Variants in NOP14 observed in about 807,000 individuals in gnomAD.
NOP14 encodes NOP14 nucleolar protein.
NOP14 carries 57 observed loss-of-function variants against 101.6 expected under a neutral mutation model. The ratio of observed to expected loss-of-function variants is 0.56; its 90% CI spans 0.45 to 0.70. NOP14 has a LOEUF of 0.70. Among genes scored for constraint, NOP14 ranks in the 30% least tolerant of loss-of-function variants. NOP14 has a pLI of 0.00. For synonymous variants in NOP14, 428 were observed against 424.0 expected (o/e 1.01, Z -0.12); for missense variants, 1,134 against 1,075.5 (o/e 1.05, Z -0.76).
At chr4:2,947,466 A>C in intron 10 of NOP14, 60 bp downstream of exon 10, 1 of 1,177,316 alleles carries the variant, frequency 8.5e-7, no homozygotes, top group Non-Finnish European at 1.3e-6. Context: ...ATGACTCTAA[A>C]TGGGAGAAAA....
At chr4:2,959,376 A>T (rs1390579230) in intron 1 of NOP14, among the ~76,000 whole-genome samples, 1 of 152,112 alleles carries the variant, frequency 6.6e-6, no homozygotes. Context: ...GCGGATCACG[A>T]GGTTAGAAGA....
At chr4:2,944,006 G>C (rs1465210337) in intron 13 of NOP14, 67 bp downstream of exon 13, 1 of 1,309,968 alleles carries the variant, frequency 7.6e-7, no homozygotes. Context: ...TCTACAATGA[G>C]TATGAACTAC....
Position 2,944,184 on chromosome 4 carries a change from C to G in NOP14, c.1780G>C (p.Val594Leu). The change falls in exon 13 of 18, where the codon GTG becomes CTG. Residue 594 changes from valine (V) to leucine (L), a missense_variant. Val to Leu is a conservative substitution (Grantham distance 32). Coordinates refer to ENST00000416614, the MANE Select transcript of NOP14 (RefSeq NM_001291978.2). ...SLQDVVKGLFVCCLFLEYVAL... is the reference protein window; with the variant it reads ...SLQDVVKGLFLCCLFLEYVAL... ...ACATACTCCAGGAACAGGCAGCACA[C>G]GAACAGGCCCTTCACCACGTCCTGG... 6.2e-7 allele frequency: 1 copy of G among 1,614,084 alleles called. No homozygotes were observed. The highest frequency in any genetic ancestry group is 8.5e-7 in the Non-Finnish European group (1 of 1,179,982).
At chr4:2,945,292 C>A (rs549411685) in intron 11 of NOP14, 63 bp from the exon 12 acceptor site, 4 of 1,208,694 alleles carry the variant, frequency 3.3e-6, no homozygotes, top group East Asian at 5.2e-5. Flanking sequence ...ATGCCCTCCC[C>A]GCAAACACTC....
chr4:2,961,085 T>C (rs55841152), intron 1 of NOP14, among the ~76,000 whole-genome samples: 1 of 109,604 alleles, frequency 9.1e-6, no homozygotes, highest in South Asian at 2.5e-4. Context: ...TATATTAATA[T>C]TATAATAATA....
chr4:2,938,800 C>T lies in NOP14; in HGVS notation c.*31G>A, dbSNP rs765069587. The T allele has an allele frequency of 1.3e-6, 2 of 1,560,476 alleles. No individual in the cohort carries two copies. Among genetic ancestry groups the T allele is most frequent in the South Asian group, 2.2e-5 (2 of 89,586 alleles). The stretch of plus-strand genomic sequence containing the variant: ...TGGAATTGCAGATGTGAGGTAATGT[C>T]CAGTTCCTTGCCTTATTTATAAAAT... On this transcript the variant is annotated 3_prime_UTR_variant, in exon 18 of 18. Transcript: ENST00000416614.
chr4:2,957,783 AT>A, intron 1 of NOP14, 43 bp from the exon 2 acceptor site: 2 of 1,605,034 alleles, frequency 1.2e-6, no homozygotes, highest in Non-Finnish European at 1.7e-6. Flanking sequence ...AATTCTTGTG[AT>A]TTCCACTACA....
chr4:2,938,074 C>T lies in NOP14; in HGVS notation c.*757G>A, dbSNP rs565345274. 2.1e-4 allele frequency: 134 copies of T among 644,078 alleles called. No homozygotes were observed. The highest frequency in any genetic ancestry group is 1.2e-3 in the African/African-American group (63 of 51,782). The allele number at this position is 644,078 out of a possible 1,614,324, so 39.9% of individuals were successfully genotyped here. On this transcript the variant is annotated 3_prime_UTR_variant, in exon 18 of 18. Coordinates refer to ENST00000416614, the MANE Select transcript of NOP14 (RefSeq NM_001291978.2). ...GCTTGTCCAGACGCAGTGAACCAGT[C>T]GCAGCTGATAACACACAGACCATTC...
At chr4:2,941,404 G>C in intron 15 of NOP14, 178 bp downstream of exon 15, 1 of 625,996 alleles carries the variant, frequency 1.6e-6, no homozygotes, top group East Asian at 2.8e-5. Context: ...CTCCAGCCCA[G>C]CACTGCTCAC....
chr4:2,956,927 A>C, intron 2 of NOP14, 116 bp from the exon 3 acceptor site: 1 of 912,158 alleles, frequency 1.1e-6, no homozygotes, highest in Non-Finnish European at 1.6e-6. Flanking sequence ...AACGAATCCT[A>C]AGCAGCCTTA....
Position 2,953,496 on chromosome 4 carries a change from G to A in NOP14, c.747+15C>T, listed in dbSNP as rs1343109329. On this transcript the variant is annotated intron_variant, in intron 5 of 17. Transcript: ENST00000416614. ...CTCAGTGAGTGAAGAGTTTGTTTCA[G>A]TACTTGGCTCCCACCTTGGGTTTTT... 3 of 1,613,672 alleles carry A rather than the reference G, an allele frequency of 1.9e-6. No individual in the cohort carries two copies. Among genetic ancestry groups the A allele is most frequent in the Non-Finnish European group, 1.7e-6 (2 of 1,179,876 alleles).
intron 6 of NOP14, among the ~76,000 whole-genome samples, chr4:2,951,874 G>C (rs1363365573): frequency 6.6e-6 from 1 of 152,152 alleles, no homozygotes; most frequent in Non-Finnish European, 1.5e-5. Flanking sequence ...TTGGGAGGCC[G>C]AGGTGACTGG....
chr4:2,948,476 A>T, intron 8 of NOP14, 68 bp from the exon 9 acceptor site: 1 of 1,268,516 alleles, frequency 7.9e-7, no homozygotes, highest in Non-Finnish European at 1.0e-6. Flanking sequence ...TATTTTTGAG[A>T]TGGAGTCTCG....
Position 2,948,330 on chromosome 4 carries a change from A to C in NOP14, c.1361T>G (p.Ile454Ser), listed in dbSNP as rs878985599. 1 of 1,610,534 alleles carries C rather than the reference A, an allele frequency of 6.2e-7. No individual in the cohort carries two copies. The highest frequency in any genetic ancestry group is 8.5e-7 in the Non-Finnish European group (1 of 1,179,236). The change falls in exon 9 of 18, where the codon ATT (isoleucine) becomes AGT (serine). Residue 454 changes from isoleucine to serine, a missense_variant. Physicochemically the swap from Ile to Ser is moderately radical, Grantham distance 142. Coordinates refer to ENST00000416614, the MANE Select transcript of NOP14 (RefSeq NM_001291978.2). The part of the protein sequence containing the change: ...MEEQLLVVER[I>S]QKCNHPSLAE... ...GAGACTCGGGTGGTTGCACTTCTGA[A>C]TTCTCTCCACCACCAAAAGCTGCTC... is the stretch of plus-strand genomic sequence containing the variant.
Position 2,963,383 on chromosome 4 carries a change from A to G in NOP14, c.-64T>C. The stretch of plus-strand genomic sequence containing the variant: ...AGAGAGACAGGCGCGCGCTACCCTA[A>G]GACACGTGCCGGGCCGCGGAACCGC... On this transcript the variant is annotated 5_prime_UTR_variant, in exon 1 of 18. Transcript: ENST00000416614. 6.9e-7 allele frequency: 1 copy of G among 1,444,668 alleles called. No individual in the cohort carries two copies. Among genetic ancestry groups the G allele is most frequent in the East Asian group, 2.8e-5 (1 of 35,276 alleles). The allele number at this position is 1,444,668 out of a possible 1,614,324, so 89.5% of individuals were successfully genotyped here.
In NOP14 at chr4:2,956,763, A is replaced by G. The variant is rs147697443; in HGVS notation, c.379T>C (p.Leu127=). ...GCCAAAGACTGGCCATAATGAGTCA[A>G]TTCTTCATCTTCATTTAGATTGTAG... The part of the protein sequence containing the change: ...SIYNLNEDEE[L]THYGQSLADI... Residue 127 remains leucine (L), a synonymous_variant, in exon 3 of 18, where the codon TTG becomes CTG. Coordinates refer to ENST00000416614, the MANE Select transcript of NOP14 (RefSeq NM_001291978.2). 2.5e-3 allele frequency: 3,954 copies of G among 1,613,020 alleles called. 11 individuals are homozygous for G. Among genetic ancestry groups the G allele is most frequent in the Non-Finnish European group, 2.9e-3 (3,439 of 1,179,688 alleles).
chr4:2,951,382 T>C, intron 6 of NOP14, 137 bp from the exon 7 acceptor site: 1 of 666,064 alleles, frequency 1.5e-6, no homozygotes, highest in Non-Finnish European at 2.6e-6. Context: ...GCCTGCTTTC[T>C]GCCTGCAGTT....
At chr4:2,959,096 T>A (rs189527576) in intron 1 of NOP14, among the ~76,000 whole-genome samples, 4 of 152,204 alleles carry the variant, frequency 2.6e-5, no homozygotes, top group Non-Finnish European at 4.4e-5. Flanking sequence ...ATTATTACAC[T>A]TAAAATGCAT....
intron 5 of NOP14, 142 bp downstream of exon 5, chr4:2,953,369 G>T: frequency 2.4e-6 from 2 of 819,994 alleles, no homozygotes; most frequent in Non-Finnish European, 2.0e-6. Flanking sequence ...ACACACAGCA[G>T]GTAATTCAGT....
Sources: gnomAD v4.1 joint callset for allele counts (sites outside exome capture counted in the v4.1 genomes callset) on GRCh38, gnomAD v4.1.1 for gene constraint, MANE v1.5 for transcripts, NCBI Gene and HGNC (gene_info 2026-07-23, HGNC 2026-07-21) for gene names.